The following NMRK1 variants were observed in gnomAD, a reference collection of about 807,000 sequenced individuals.
NMRK1 encodes NRK 1.
In NMRK1, 28 loss-of-function variants were observed where a neutral mutation model predicts 29.9. The observed-to-expected ratio is 0.94, with a 90% CI of 0.69 to 1.28. The LOEUF (loss-of-function observed/expected upper bound fraction) is 1.28, where lower values mean the gene tolerates loss of function less well. Among genes scored for constraint, NMRK1 ranks in the 50% most tolerant of loss-of-function variants. The pLI, the probability that NMRK1 is intolerant of heterozygous loss-of-function variation, is 0.00. For synonymous variants in NMRK1, 58 were observed against 73.0 expected, an observed-to-expected ratio of 0.79 and a Z score of 1.05; for missense variants, 218 against 233.1, an observed-to-expected ratio of 0.94 and a Z score of 0.42.
rs752396990 is a variant in NMRK1, at chr9:75,066,761, T to C, written c.576A>G (p.Gln192=). The change falls in exon 8 of 9, where the codon CAA becomes CAG. Residue 192 remains glutamine (Q), a synonymous_variant. Transcript: ENST00000361092. ...CTTTGTTAGCACAATACTTACACTT[T>C]TGCTTTGCTAGTTCTTGTATTAGAT... ...YEDLIQELAK[Q]KCLQVTA is the part of the protein sequence containing the mutation. The C allele has an allele frequency of 1.3e-6, 2 of 1,576,576 alleles. No individual in the cohort carries two copies. The highest frequency in any genetic ancestry group is 1.7e-6 in the Non-Finnish European group (2 of 1,145,816).
rs924389483 is a variant in NMRK1 at position 75,066,538 on chromosome 9, T to C, written c.580+219A>G. Among the ~76,000 whole-genome samples, 3 of 152,074 alleles carry C rather than the reference T, an allele frequency of 2.0e-5. No homozygotes were observed. The South Asian group carries it at 6.2e-4, about 32-fold the overall frequency. ...ATCACATAAATAGCATTAAGAGATG[T>C]AACAAAGGGTACATGGTTTTACCCC... On this transcript the variant is annotated intron_variant, in intron 8 of 8. Transcript: ENST00000361092.
intron 2 of NMRK1, among the ~76,000 whole-genome samples, chr9:75,080,681 G>A (rs1256715041): frequency 6.6e-6 from 1 of 152,142 alleles, no homozygotes; most frequent in Non-Finnish European, 1.5e-5. Flanking sequence ...CTGGAGGTGG[G>A]GCCTGCTGGC....
chr9:75,063,453 G>C (rs925079753), intron 8 of NMRK1, among the ~76,000 whole-genome samples: 1 of 152,056 alleles, frequency 6.6e-6, no homozygotes. Flanking sequence ...GAATGTTCCT[G>C]GTGGCTAGAC....
chr9:75,083,144 A>G lies in NMRK1; in HGVS notation c.-29T>C. 6.7e-7 allele frequency: 1 copy of G among 1,493,212 alleles called. No individual in the cohort carries two copies. Among genetic ancestry groups the G allele is most frequent in the South Asian group, 1.1e-5 (1 of 88,614 alleles). 92.5% of individuals were successfully genotyped at this position (1,493,212 alleles called of 1,614,324 possible). A position where few individuals can be genotyped will look rare whatever the true frequency, so the allele number is the denominator to read the frequency against. On this transcript the variant is annotated 5_prime_UTR_variant, in exon 2 of 9. Transcript: ENST00000361092. ...TAGCTTTGAAAATCACAGCTTCCTAATATTTCCTAAAAGTAAAAAAACAAA... is the reference window on the plus strand; with the variant it reads ...TAGCTTTGAAAATCACAGCTTCCTAGTATTTCCTAAAAGTAAAAAAACAAA...
intron 1 of NMRK1, among the ~76,000 whole-genome samples, chr9:75,083,863 T>C (rs538446541): frequency 2.5e-4 from 38 of 152,344 alleles, no homozygotes; most frequent in African/African-American, 8.9e-4. Flanking sequence ...ACAATTTTTT[T>C]TGATGAAATT....
At chr9:75,063,131 C>G (rs1278954537) in intron 8 of NMRK1, among the ~76,000 whole-genome samples, 2 of 151,382 alleles carry the variant, frequency 1.3e-5, no homozygotes, top group Non-Finnish European at 2.9e-5. Context: ...GGTGAAACCC[C>G]GTCTCTACTA....
intron 4 of NMRK1, among the ~76,000 whole-genome samples, chr9:75,072,069 T>C (rs1823731595): frequency 6.6e-6 from 1 of 152,216 alleles, no homozygotes; most frequent in Non-Finnish European, 1.5e-5. Context: ...TTGCCTTTTG[T>C]GTCTGGCTAG....
chr9:75,074,188 G>T (rs148379476), intron 4 of NMRK1, among the ~76,000 whole-genome samples: 163 of 151,612 alleles, frequency 1.1e-3, no homozygotes, highest in African/African-American at 3.8e-3. Context: ...TTCCTGAGTA[G>T]CTGGGACTAT....
intron 7 of NMRK1, 111 bp downstream of exon 7, chr9:75,068,885 A>C (rs1439749680): frequency 3.1e-6 from 2 of 651,490 alleles, no homozygotes; most frequent in South Asian, 2.1e-5. Flanking sequence ...AGAAGCCCAG[A>C]GTGTTCTTGC....
chr9:75,079,617 G>T (rs890072041), intron 2 of NMRK1, among the ~76,000 whole-genome samples: 3 of 152,130 alleles, frequency 2.0e-5, no homozygotes, highest in Non-Finnish European at 4.4e-5. Flanking sequence ...GAGGAGAGGG[G>T]AGAAAAAGTA....
At chr9:75,078,538 G>A (rs1824140701) in intron 2 of NMRK1, 18 of 1,284,324 alleles carry the variant, frequency 1.4e-5, no homozygotes, top group East Asian at 2.9e-5. Flanking sequence ...GGCACTTCTC[G>A]ATTCAGTCAT....
chr9:75,083,086 C>T lies in NMRK1; in HGVS notation c.29+1G>A, dbSNP rs1244982724. The T allele has an allele frequency of 1.9e-6, 3 of 1,596,042 alleles. No individual in the cohort carries two copies. The highest frequency in any genetic ancestry group is 1.7e-5 in the Admixed American group (1 of 59,990). ...GAGCTGTTTGTAGCAAAATTACTCA[C>T]CCACTGATTCCAATGATAAATGTTT... On this transcript the variant is annotated splice_donor_variant, in intron 2 of 8. Transcript: ENST00000361092. LOFTEE classifies it high-confidence loss of function.
intron 4 of NMRK1, among the ~76,000 whole-genome samples, chr9:75,071,418 G>A (rs978346192): frequency 2.6e-5 from 4 of 152,100 alleles, no homozygotes; most frequent in Admixed American, 6.6e-5. Flanking sequence ...GCAATATTAT[G>A]TTTACAGCCT....
chr9:75,077,303 G>A (rs911895274), intron 3 of NMRK1, 96 bp from the exon 4 acceptor site: 1 of 959,202 alleles, frequency 1.0e-6, no homozygotes, highest in South Asian at 1.4e-5. Context: ...TAAATGCTTT[G>A]GATGATCAAA....
rs1435967782 is a variant in NMRK1 at position 75,068,867 on chromosome 9, G to T, written c.496+129C>A. The T allele has an allele frequency of 8.3e-6, 5 of 601,328 alleles. No homozygotes were observed. The Admixed American group carries it at 8.9e-5, about 11-fold the overall frequency. 37.2% of individuals were successfully genotyped at this position (601,328 alleles called of 1,614,324 possible). Reference sequence around the variant, plus strand: ...AACAGAAACCAGGAGAACCAGCTATGGAAAAGGAGAAGCCCAGAGTGTTCT... The same window carrying T: ...AACAGAAACCAGGAGAACCAGCTATTGAAAAGGAGAAGCCCAGAGTGTTCT... On this transcript the variant is annotated intron_variant, in intron 7 of 8. Coordinates refer to ENST00000361092, the MANE Select transcript of NMRK1 (RefSeq NM_017881.3).
chr9:75,061,956 G>A (rs995064678), intron 8 of NMRK1, among the ~76,000 whole-genome samples: 40 of 152,200 alleles, frequency 2.6e-4, no homozygotes, highest in African/African-American at 9.4e-4. Context: ...AACGAAGGAA[G>A]CCCAGTGGAA....
At chr9:75,081,663 G>T (rs1338956272) in intron 2 of NMRK1, among the ~76,000 whole-genome samples, 1 of 152,144 alleles carries the variant, frequency 6.6e-6, no homozygotes, top group East Asian at 1.9e-4. Flanking sequence ...CAGGTTCCAT[G>T]TCTGTTTTCT....
intron 7 of NMRK1, 47 bp from the exon 8 acceptor site, chr9:75,066,887 A>G: frequency 3.8e-6 from 4 of 1,059,406 alleles, no homozygotes; most frequent in Non-Finnish European, 5.7e-6. Context: ...AGGCTTATTA[A>G]TATACAATGT....
intron 2 of NMRK1, among the ~76,000 whole-genome samples, chr9:75,082,065 C>T (rs978547818): frequency 1.4e-4 from 21 of 152,190 alleles, no homozygotes; most frequent in African/African-American, 4.3e-4. Context: ...CTTCATACAT[C>T]ATGATATTCA....
Sources: gnomAD v4.1 joint callset for allele counts (sites outside exome capture counted in the v4.1 genomes callset) on GRCh38, gnomAD v4.1.1 for gene constraint, MANE v1.5 for transcripts, NCBI Gene and HGNC (gene_info 2026-07-23, HGNC 2026-07-21) for gene names.